Variants in BRPF3 observed in about 807,000 individuals in gnomAD.
The protein encoded by BRPF3 is bromodomain and PHD finger-containing protein 3.
Under a neutral mutation model 102.0 loss-of-function variants are expected in BRPF3, and 18 were observed. The observed-to-expected ratio is 0.18, with a 90% CI of 0.12 to 0.26. The LOEUF (loss-of-function observed/expected upper bound fraction) is 0.26. Ranked by LOEUF, BRPF3 falls within the 10% of genes least tolerant of loss-of-function variation. The pLI, the probability that BRPF3 is intolerant of heterozygous loss-of-function variation, is 1.00. For synonymous variants in BRPF3, 570 were observed against 614.2 expected (o/e 0.93, Z 1.06); for missense variants, 1,147 against 1,567.8 (o/e 0.73, Z 4.53).
chr6:36,211,791 T>C (rs1485139688), intron 7 of BRPF3, among the ~76,000 whole-genome samples: 4 of 152,224 alleles, frequency 2.6e-5, no homozygotes, highest in Non-Finnish European at 5.9e-5. Context: ...GCTGTTATAT[T>C]GGAGTGGGCT....
chr6:36,211,162 AAG>A lies in BRPF3; in HGVS notation c.2180-89_2180-88del, dbSNP rs1023011807. The stretch of plus-strand genomic sequence containing the variant: ...TGGAAGCTGCTGGCCCAGGCATTCC[AAG>A]AGAGAGTTTTGCATCCGAAGGATTC... On this transcript the variant is annotated intron_variant, in intron 6 of 12. Coordinates refer to ENST00000357641, the MANE Select transcript of BRPF3 (RefSeq NM_015695.3). 4 of 1,378,216 alleles carry A rather than the reference AAG, an allele frequency of 2.9e-6. No individual in the cohort carries two copies. The African/African-American group carries it at 4.3e-5, about 15-fold the overall frequency. The allele number at this position is 1,378,216 out of a possible 1,614,324, so 85.4% of individuals were successfully genotyped here. A position where few individuals can be genotyped will look rare whatever the true frequency, so the allele number is the denominator to read the frequency against.
chr6:36,228,786 T>A, intron 11 of BRPF3, 116 bp from the exon 12 acceptor site: 2 of 1,205,978 alleles, frequency 1.7e-6, no homozygotes, highest in South Asian at 2.7e-5. Context: ...ATCAAAGATA[T>A]CCCACTCAGG....
intron 11 of BRPF3, among the ~76,000 whole-genome samples, chr6:36,226,480 A>T (rs1388226728): frequency 6.6e-6 from 1 of 152,180 alleles, no homozygotes; most frequent in South Asian, 2.1e-4. Flanking sequence ...AACAATACCC[A>T]TATCAAGTCA....
In BRPF3 at chr6:36,204,654, CA is replaced by C; in HGVS notation, c.1449-2del. The C allele has an allele frequency of 6.2e-7, 1 of 1,614,168 alleles. No individual in the cohort carries two copies. Among genetic ancestry groups the C allele is most frequent in the Non-Finnish European group, 8.5e-7 (1 of 1,180,032 alleles). ...TCTTTCACTTCCGTGTGCCTCTACTCAAGGTTGAACAAGATCTGTAGTGGTC... is the reference window on the plus strand; with the variant it reads ...TCTTTCACTTCCGTGTGCCTCTACTCAGGTTGAACAAGATCTGTAGTGGTC... On this transcript the variant is annotated splice_region_variant and splice_polypyrimidine_tract_variant and intron_variant, in intron 2 of 12. Transcript: ENST00000357641.
rs142616086 is a variant in BRPF3, at chr6:36,231,810, G to GA, written c.*1210dup. The stretch of plus-strand genomic sequence containing the variant: ...ACCTTCACCTTCTCAAAAATGGAAG[G>GA]AAAAAAAAACTGTGAATGGGGAATG... On this transcript the variant is annotated 3_prime_UTR_variant, in exon 13 of 13. Transcript: ENST00000357641. 361 of 151,078 alleles carry GA rather than the reference G, an allele frequency of 2.4e-3. 2 individuals are homozygous for GA. The highest frequency in any genetic ancestry group is 4.6e-3 in the Non-Finnish European group (308 of 67,564). The allele number at this position is 151,078 out of a possible 1,614,324, so 9.4% of individuals were successfully genotyped here. A position where few individuals can be genotyped will look rare whatever the true frequency, so the allele number is the denominator to read the frequency against.
Position 36,231,194 on chromosome 6 carries a change from C to T in BRPF3, c.*585C>T, listed in dbSNP as rs1768930368. 6.5e-6 allele frequency: 1 copy of T among 153,142 alleles called. No individual in the cohort carries two copies. Among genetic ancestry groups the T allele is most frequent in the Non-Finnish European group, 1.5e-5 (1 of 68,332 alleles). 9.5% of individuals were successfully genotyped at this position (153,142 alleles called of 1,614,324 possible). On this transcript the variant is annotated 3_prime_UTR_variant, in exon 13 of 13. Transcript: ENST00000357641. The stretch of plus-strand genomic sequence containing the variant: ...GTGCCAAACTGACAGAAACCGTCAC[C>T]ACACTGGTCTTTTTCTTTAATGTCT...
chr6:36,198,485 G>A (rs1221581532), intron 1 of BRPF3, among the ~76,000 whole-genome samples: 1 of 152,104 alleles, frequency 6.6e-6, no homozygotes, highest in Admixed American at 6.5e-5. Flanking sequence ...ATTGAGCATC[G>A]GAAGACCTGG....
chr6:36,199,068 T>C (rs1278458461), intron 1 of BRPF3, among the ~76,000 whole-genome samples: 2 of 152,170 alleles, frequency 1.3e-5, no homozygotes, highest in African/African-American at 4.8e-5. Flanking sequence ...TGTTTCTGCC[T>C]GGAAATGTAC....
chr6:36,205,785 A>G (rs1448333318), intron 3 of BRPF3, among the ~76,000 whole-genome samples: 2 of 152,214 alleles, frequency 1.3e-5, no homozygotes, highest in Non-Finnish European at 2.9e-5. Flanking sequence ...GTCCAATCTC[A>G]TAATTGACAA....
chr6:36,217,252 C>A (rs1177559599), intron 8 of BRPF3, among the ~76,000 whole-genome samples: 4 of 152,140 alleles, frequency 2.6e-5, no homozygotes, highest in Non-Finnish European at 4.4e-5. Flanking sequence ...AGAAAAGGAA[C>A]CTGTGTTTCA....
chr6:36,211,366 C>T lies in BRPF3; in HGVS notation c.2288C>T (p.Ala763Val). The change falls in exon 7 of 13, where the codon GCC becomes GTC. Residue 763 changes from alanine (A) to valine (V), a missense_variant. Transcript: ENST00000357641. ...GTGAGCGCCATGCGGTCCAGTGGGG[C>T]CCGCACCCGTCGTGTCCGCCTGCTA... Reference protein sequence around the residue: ...DLVSAMRSSGARTRRVRLLRR... With the variant: ...DLVSAMRSSGVRTRRVRLLRR... The T allele has an allele frequency of 6.2e-7, 1 of 1,614,222 alleles. No individual in the cohort carries two copies. The highest frequency in any genetic ancestry group is 8.5e-7 in the Non-Finnish European group (1 of 1,180,028).
At chr6:36,212,572 G>GAAAA (rs1013260246) in intron 7 of BRPF3, among the ~76,000 whole-genome samples, 2 of 44,956 alleles carry the variant, frequency 4.4e-5, no homozygotes, top group Admixed American at 2.2e-4. Flanking sequence ...GCATCACCTA[G>GAAAA]AAAAAAAAAA....
At position 36,213,999 on chromosome 6, in the gene BRPF3, C is replaced by T; in HGVS notation, c.2602C>T (p.Pro868Ser). Residue 868 changes from proline (P) to serine (S), a missense_variant, in exon 8 of 13, where the codon CCA (proline) becomes TCA (serine). By Grantham distance (74) the Pro-to-Ser change is moderately conservative. Transcript: ENST00000357641. ...TLKPINDSKP[P>S]SRFLKPRKVE... ...GAAACCCATTAATGATAGCAAACCT[C>T]CAAGCAGGTTCCTAAAGCCCAGAAA... 6.2e-7 allele frequency: 1 copy of T among 1,614,046 alleles called. No homozygotes were observed. The highest frequency in any genetic ancestry group is 8.5e-7 in the Non-Finnish European group (1 of 1,180,012).
intron 2 of BRPF3, among the ~76,000 whole-genome samples, chr6:36,203,016 A>G (rs1767774593): frequency 6.6e-6 from 1 of 152,188 alleles, no homozygotes; most frequent in Non-Finnish European, 1.5e-5. Flanking sequence ...GTGACTCTGT[A>G]TGTGTTTTCT....
intron 2 of BRPF3, among the ~76,000 whole-genome samples, chr6:36,202,181 C>G (rs1330448224): frequency 6.6e-6 from 1 of 152,104 alleles, no homozygotes; most frequent in Non-Finnish European, 1.5e-5. Flanking sequence ...GTGACAAACT[C>G]AAACCCTCCT....
chr6:36,227,661 T>A (rs906183419), intron 11 of BRPF3, among the ~76,000 whole-genome samples: 2 of 152,162 alleles, frequency 1.3e-5, no homozygotes, highest in African/African-American at 4.8e-5. Context: ...CACTGTCTTG[T>A]TTGGTAATCA....
At chr6:36,207,531 TG>T in intron 4 of BRPF3, 87 bp downstream of exon 4, 1 of 1,503,030 alleles carries the variant, frequency 6.7e-7, no homozygotes, top group Non-Finnish European at 8.9e-7. Flanking sequence ...TGGGAGCCCC[TG>T]CCTTATGCTA....
Position 36,230,158 on chromosome 6 carries a change from C to G in BRPF3, c.3435-268C>G, listed in dbSNP as rs118091247. Among the ~76,000 whole-genome samples, 286 of 152,290 alleles carry G rather than the reference C, an allele frequency of 1.9e-3. 5 individuals carry two copies. Among genetic ancestry groups the G allele is most frequent in the East Asian group, 0.018 (94 of 5,170 alleles). On this transcript the variant is annotated intron_variant, in intron 12 of 12. Coordinates refer to ENST00000357641, the MANE Select transcript of BRPF3 (RefSeq NM_015695.3). The surrounding 1 kb of genome is among the most constrained non-coding windows in gnomAD (Gnocchi z 5.4). ...GCCTTTCTTAGCCTATGGACCCTTACAACTCTCCAAACAGAGTAAGGGCCC... is the reference window on the plus strand; with the variant it reads ...GCCTTTCTTAGCCTATGGACCCTTAGAACTCTCCAAACAGAGTAAGGGCCC...
At position 36,229,139 on chromosome 6, in the gene BRPF3, G is replaced by T; in HGVS notation, c.3434+83G>T. ...TGCTGTGCTAGTGAGGTGTACAGAG[G>T]GGCCATGGATGTTACCAGTTACCCT... On this transcript the variant is annotated intron_variant, in intron 12 of 12. Transcript: ENST00000357641. The T allele has an allele frequency of 2.6e-6, 4 of 1,517,910 alleles. No homozygotes were observed. The South Asian group carries it at 3.6e-5, about 14-fold the overall frequency. The allele number at this position is 1,517,910 out of a possible 1,614,324, so 94.0% of individuals were successfully genotyped here.
Sources: allele counts gnomAD v4.1 joint callset (sites outside exome capture counted in the v4.1 genomes callset), GRCh38; gene constraint gnomAD v4.1.1; non-coding constraint Gnocchi (gnomAD v3.1); transcripts MANE v1.5; gene names NCBI Gene and HGNC (gene_info 2026-07-23, HGNC 2026-07-21).